NDST4: variants seen among roughly 807,000 people sequenced by gnomAD.
NDST4 encodes N-heparan sulfate sulfotransferase 4.
NDST4 carries 63 observed loss-of-function variants against 100.8 expected under a neutral mutation model. The observed-to-expected ratio is 0.62, with a 90% CI of 0.51 to 0.77. NDST4 has a LOEUF of 0.77. Among genes scored for constraint, NDST4 ranks in the 30% least tolerant of loss-of-function variants. The pLI is 0.00. For missense variants in NDST4, 943 were observed against 1,018.4 expected, an observed-to-expected ratio of 0.93 and a Z score of 1.01; for synonymous variants, 377 against 361.8, an observed-to-expected ratio of 1.04 and a Z score of -0.48.
In NDST4 at chr4:115,048,958, C is replaced by T. The variant is rs553844445; in HGVS notation, c.978+27101G>A. ...CCGGCCCACATTATGAATTTTTGTG[C>T]GTGCAGTAAATCTAGTGAAATAATT... On this transcript the variant is annotated intron_variant, in intron 2 of 13. Transcript: ENST00000264363. Among the ~76,000 whole-genome samples, 3 of 151,912 alleles carry T rather than the reference C, an allele frequency of 2.0e-5. No homozygotes were observed. The South Asian group carries it at 6.2e-4, about 32-fold the overall frequency.
chr4:114,835,445 C>T lies in NDST4; in HGVS notation c.2287-1730G>A, dbSNP rs1379845806. On this transcript the variant is annotated intron_variant, in intron 11 of 13. Coordinates refer to ENST00000264363, the MANE Select transcript of NDST4 (RefSeq NM_022569.3). ...TGCGGTTTTGAGTGAGTTTCTTAAT[C>T]CTGAGTTCTAATTTGATTGCACTGT... Among the ~76,000 whole-genome samples, 3 of 152,282 alleles carry T rather than the reference C, an allele frequency of 2.0e-5. No homozygotes were observed. In the South Asian group the frequency reaches 6.2e-4, roughly 32 times the overall value.
At chr4:115,028,292 A>T (rs1252071307) in intron 2 of NDST4, among the ~76,000 whole-genome samples, 2 of 152,128 alleles carry the variant, frequency 1.3e-5, no homozygotes, top group Non-Finnish European at 2.9e-5. Context: ...AATAAACAGG[A>T]TAAACACTCT....
At chr4:115,010,367 TGA>T (rs1451503199) in intron 2 of NDST4, among the ~76,000 whole-genome samples, 1 of 128,618 alleles carries the variant, frequency 7.8e-6, no homozygotes, top group African/African-American at 3.0e-5. Flanking sequence ...TAAAAAAGGA[TGA>T]GTTCATGTCC....
At chr4:114,988,572 A>G (rs1445337786) in intron 2 of NDST4, among the ~76,000 whole-genome samples, 1 of 151,708 alleles carries the variant, frequency 6.6e-6, no homozygotes, top group East Asian at 1.9e-4. Context: ...TGTGTTAGCC[A>G]GGATGGTCTC....
intron 1 of NDST4, among the ~76,000 whole-genome samples, chr4:115,088,173 A>G (rs1729444823): frequency 6.6e-6 from 1 of 151,994 alleles, no homozygotes. Flanking sequence ...CTTTACAAAA[A>G]AAACAGAAAG....
intron 2 of NDST4, among the ~76,000 whole-genome samples, chr4:115,027,152 T>G (rs1469579964): frequency 2.0e-5 from 3 of 152,188 alleles, no homozygotes; most frequent in Non-Finnish European, 1.5e-5. Flanking sequence ...GCATGCTTTG[T>G]ACGTAAGTTA....
Position 114,929,113 on chromosome 4 carries a change from C to CATCTATCTATCTATCTATCT in NDST4, c.1536+6073_1536+6092dup, listed in dbSNP as rs70964332. Among the ~76,000 whole-genome samples, 147 of 117,478 alleles carry CATCTATCTATCTATCTATCT rather than the reference C, an allele frequency of 1.3e-3. 1 individual carries two copies. Among genetic ancestry groups the CATCTATCTATCTATCTATCT allele is most frequent in the East Asian group, 3.5e-3 (14 of 4,054 alleles). The allele number at this position is 117,478 out of a possible 152,430, so 77.1% of individuals were successfully genotyped here. A position where few individuals can be genotyped will look rare whatever the true frequency, so the allele number is the denominator to read the frequency against. On this transcript the variant is annotated intron_variant, in intron 6 of 13. Coordinates refer to ENST00000264363, the MANE Select transcript of NDST4 (RefSeq NM_022569.3). ...CCATCCATCCATCCATCCATCCATC[C>CATCTATCTATCTATCTATCT]ATCTATCTATCTATCTATCTATCTA...
Position 114,875,359 on chromosome 4 carries a change from T to C in NDST4, c.1537-4409A>G, listed in dbSNP as rs146296034. Among the ~76,000 whole-genome samples the C allele has an allele frequency of 4.8e-3, 731 of 152,320 alleles. 1 individual carries two copies. The highest frequency in any genetic ancestry group is 0.017 in the Middle Eastern group (5 of 294). On this transcript the variant is annotated intron_variant, in intron 6 of 13. Coordinates refer to ENST00000264363, the MANE Select transcript of NDST4 (RefSeq NM_022569.3). ...AGCTTATGGGCACGTTCATAGTCTA[T>C]TCATTAGAAACATAAGCAGTTTTTC...
At chr4:115,056,899 T>TTA (rs5861201) in intron 2 of NDST4, among the ~76,000 whole-genome samples, 66,985 of 151,732 alleles carry the variant, frequency 0.44, 15,855 homozygotes, top group Non-Finnish European at 0.55. Context: ...GAAAACTATG[T>TTA]TATAGTAATT....
chr4:115,011,996 G>A (rs1188871235), intron 2 of NDST4, among the ~76,000 whole-genome samples: 1 of 151,822 alleles, frequency 6.6e-6, no homozygotes, highest in African/African-American at 2.4e-5. Context: ...AAATGTGTAT[G>A]TGTGTGTGTA....
intron 6 of NDST4, among the ~76,000 whole-genome samples, chr4:114,933,120 T>C (rs1448791710): frequency 4.0e-5 from 6 of 151,576 alleles, no homozygotes; most frequent in Non-Finnish European, 8.8e-5. Flanking sequence ...ACATAAAGAG[T>C]GACATAAAGA....
intron 2 of NDST4, among the ~76,000 whole-genome samples, chr4:114,986,833 T>TATATATATATATATATATATA (rs397953439): frequency 1.1e-5 from 1 of 92,920 alleles, no homozygotes; most frequent in African/African-American, 4.0e-5. Flanking sequence ...TATATATATA[T>TATATATATATATATATATATA]TTTAATATAC....
At chr4:115,054,876 T>C (rs1373758041) in intron 2 of NDST4, among the ~76,000 whole-genome samples, 1 of 152,102 alleles carries the variant, frequency 6.6e-6, no homozygotes, top group Non-Finnish European at 1.5e-5. Context: ...TCTTTTGACA[T>C]GGAAGGTTGC....
intron 11 of NDST4, 60 bp from the exon 12 acceptor site, chr4:114,833,775 G>A: frequency 9.4e-7 from 1 of 1,058,224 alleles, no homozygotes; most frequent in Admixed American, 2.1e-5. Flanking sequence ...AGACTGTGAT[G>A]CCTTCCTTTA....
intron 2 of NDST4, among the ~76,000 whole-genome samples, chr4:115,038,263 T>C (rs1249507263): frequency 6.6e-6 from 1 of 152,186 alleles, no homozygotes; most frequent in Non-Finnish European, 1.5e-5. Flanking sequence ...CTATCCTTAG[T>C]TTTTTAAATA....
chr4:115,099,669 G>T (rs758570214), intron 1 of NDST4, among the ~76,000 whole-genome samples: 1 of 152,086 alleles, frequency 6.6e-6, no homozygotes, highest in Non-Finnish European at 1.5e-5. Flanking sequence ...AACACTAAAT[G>T]CTGGGGAGGA....
chr4:114,833,597 T>C lies in NDST4; in HGVS notation c.2396+9A>G, dbSNP rs1175479787. On this transcript the variant is annotated intron_variant, in intron 12 of 13. Transcript: ENST00000264363. ...ATGGAAATGAAATCAAGCATGACAA[T>C]AGACTCACGTTAGTGCTTCAGAGTA... is the stretch of plus-strand genomic sequence containing the variant. 7 of 1,546,702 alleles carry C rather than the reference T, an allele frequency of 4.5e-6. No homozygotes were observed. Among genetic ancestry groups the C allele is most frequent in the African/African-American group, 1.4e-5 (1 of 73,580 alleles).
intron 11 of NDST4, among the ~76,000 whole-genome samples, chr4:114,837,209 A>C (rs879588243): frequency 1.3e-5 from 2 of 152,010 alleles, no homozygotes; most frequent in Non-Finnish European, 2.9e-5. Context: ...CTGGTTTTTG[A>C]AATTTTCATC....
intron 5 of NDST4, 123 bp from the exon 6 acceptor site, chr4:114,935,457 A>G: frequency 2.4e-6 from 2 of 826,746 alleles, no homozygotes; most frequent in Non-Finnish European, 3.4e-6. Context: ...TGCTAAGGCC[A>G]AATCTTATTA....
Sources: gnomAD v4.1 joint callset for allele counts (sites outside exome capture counted in the v4.1 genomes callset) on GRCh38, gnomAD v4.1.1 for gene constraint, MANE v1.5 for transcripts, NCBI Gene and HGNC (gene_info 2026-07-23, HGNC 2026-07-21) for gene names.